The following UNC5D variants were observed in gnomAD, a reference collection of about 807,000 sequenced individuals.
The protein encoded by UNC5D is netrin receptor UNC5D.
A neutral mutation model predicts 105.4 loss-of-function variants in UNC5D; 39 were observed. That is an observed-to-expected ratio of 0.37 (90% CI 0.29 to 0.48). The LOEUF (loss-of-function observed/expected upper bound fraction) is 0.48, where lower values mean the gene tolerates loss of function less well. UNC5D is among the 20% of genes least tolerant of loss of function. The pLI is 0.98. For synonymous variants in UNC5D, 452 were observed against 450.4 expected, an observed-to-expected ratio of 1.00 and a Z score of -0.04; for missense variants, 991 against 1,202.4, an observed-to-expected ratio of 0.82 and a Z score of 2.60.
chr8:35,412,676 T>C (rs1805251477), intron 1 of UNC5D, among the ~76,000 whole-genome samples: 1 of 152,074 alleles, frequency 6.6e-6, no homozygotes, highest in South Asian at 2.1e-4. Flanking sequence ...ATGAGGCCTT[T>C]AGGAAGGAAG....
chr8:35,541,046 T>G (rs1178136252), intron 1 of UNC5D, among the ~76,000 whole-genome samples: 1 of 152,022 alleles, frequency 6.6e-6, no homozygotes, highest in Non-Finnish European at 1.5e-5. Flanking sequence ...AAAGGAGAGG[T>G]GTTAGAATTG....
intron 1 of UNC5D, among the ~76,000 whole-genome samples, chr8:35,318,061 G>C (rs1010876008): frequency 6.6e-6 from 1 of 151,982 alleles, no homozygotes; most frequent in Non-Finnish European, 1.5e-5. Flanking sequence ...GTCTCTGAAA[G>C]GGAACTTTAC....
chr8:35,582,770 A>C (rs1048931797), intron 3 of UNC5D, among the ~76,000 whole-genome samples: 1 of 152,124 alleles, frequency 6.6e-6, no homozygotes, highest in Non-Finnish European at 1.5e-5. Context: ...GTGAATTACA[A>C]TGAGGTGGTG....
At chr8:35,455,077 T>C (rs762077671) in intron 1 of UNC5D, among the ~76,000 whole-genome samples, 3 of 152,146 alleles carry the variant, frequency 2.0e-5, no homozygotes, top group Non-Finnish European at 4.4e-5. Context: ...TAGAGACTTA[T>C]AGGTTTACTC....
intron 1 of UNC5D, among the ~76,000 whole-genome samples, chr8:35,252,056 C>G (rs1352854896): frequency 7.4e-6 from 1 of 135,662 alleles, no homozygotes; most frequent in Admixed American, 7.7e-5. Context: ...TGGAGTCTCA[C>G]TGTTGCCCAG....
At chr8:35,562,734 G>A (rs1051556525) in intron 2 of UNC5D, among the ~76,000 whole-genome samples, 1 of 152,022 alleles carries the variant, frequency 6.6e-6, no homozygotes, top group African/African-American at 2.4e-5. Context: ...CAGATAGATA[G>A]TTTGCAAATA....
At chr8:35,406,448 G>T (rs921384599) in intron 1 of UNC5D, among the ~76,000 whole-genome samples, 1 of 152,094 alleles carries the variant, frequency 6.6e-6, no homozygotes, top group African/African-American at 2.4e-5. Context: ...TTTTCAGCAT[G>T]ATTAAACTTA....
chr8:35,652,982 T>C (rs955769166), intron 4 of UNC5D, among the ~76,000 whole-genome samples: 7 of 141,024 alleles, frequency 5.0e-5, no homozygotes, highest in Admixed American at 7.6e-5. Flanking sequence ...CAGGCTGCAG[T>C]GCAGTGGCAC....
chr8:35,672,248 A>G (rs2131282414), intron 4 of UNC5D, among the ~76,000 whole-genome samples: 1 of 152,346 alleles, frequency 6.6e-6, no homozygotes, highest in African/African-American at 2.4e-5. Flanking sequence ...AACAGGAACA[A>G]GAAATGAAAA....
chr8:35,305,101 A>G (rs979610666), intron 1 of UNC5D, among the ~76,000 whole-genome samples: 1 of 152,124 alleles, frequency 6.6e-6, no homozygotes, highest in Non-Finnish European at 1.5e-5. Flanking sequence ...CAACCTTATC[A>G]TTTTAAGAAA....
chr8:35,516,271 A>C (rs1360277898), intron 1 of UNC5D, among the ~76,000 whole-genome samples: 3 of 152,194 alleles, frequency 2.0e-5, no homozygotes, highest in Non-Finnish European at 4.4e-5. Flanking sequence ...GCAAATCTGG[A>C]ATAAAACAGA....
In UNC5D at chr8:35,793,157, T is replaced by TAGG; in HGVS notation, c.*2594_*2595insAGG. 1 of 456,202 alleles carries TAGG rather than the reference T, an allele frequency of 2.2e-6. No individual in the cohort carries two copies. Among genetic ancestry groups the TAGG allele is most frequent in the South Asian group, 1.6e-5 (1 of 64,476 alleles). 28.3% of individuals were successfully genotyped at this position (456,202 alleles called of 1,614,324 possible). ...TGCTGCTAGGATCCTACATAGGATT[T>TAGG]CTATAGAAATGTATGAAATTCTGTG... On this transcript the variant is annotated 3_prime_UTR_variant, in exon 17 of 17. Transcript: ENST00000404895.
At chr8:35,693,524 A>G (rs949920568) in intron 7 of UNC5D, among the ~76,000 whole-genome samples, 1 of 152,130 alleles carries the variant, frequency 6.6e-6, no homozygotes. Context: ...CAGGTCTGAA[A>G]CACTTCAGAT....
At chr8:35,415,988 G>A (rs562489968) in intron 1 of UNC5D, among the ~76,000 whole-genome samples, 1 of 152,112 alleles carries the variant, frequency 6.6e-6, no homozygotes, top group Non-Finnish European at 1.5e-5. Context: ...TGCTGTTGCT[G>A]TTAGTATTAA....
chr8:35,377,648 G>A (rs1802780560), intron 1 of UNC5D, among the ~76,000 whole-genome samples: 1 of 152,118 alleles, frequency 6.6e-6, no homozygotes, highest in African/African-American at 2.4e-5. Flanking sequence ...GTTTGTCTGT[G>A]TTTACATAGA....
chr8:35,745,444 A>G (rs913938426), intron 11 of UNC5D, among the ~76,000 whole-genome samples: 1 of 152,196 alleles, frequency 6.6e-6, no homozygotes, highest in African/African-American at 2.4e-5. Context: ...AAAGGCAAGG[A>G]TAAAAGCAAG....
intron 4 of UNC5D, among the ~76,000 whole-genome samples, chr8:35,616,806 G>A (rs1362408183): frequency 1.3e-5 from 2 of 152,216 alleles, no homozygotes; most frequent in African/African-American, 4.8e-5. Flanking sequence ...AGGCGATTTG[G>A]AGGAAAGATC....
At chr8:35,548,217 C>T (rs1470593150) in intron 1 of UNC5D, among the ~76,000 whole-genome samples, 5 of 152,214 alleles carry the variant, frequency 3.3e-5, no homozygotes, top group Non-Finnish European at 7.3e-5. Flanking sequence ...CAAGTTGACA[C>T]TCCATATTAA....
intron 1 of UNC5D, among the ~76,000 whole-genome samples, chr8:35,238,347 G>A (rs1337005559): frequency 6.6e-6 from 1 of 152,156 alleles, no homozygotes; most frequent in African/African-American, 2.4e-5. Flanking sequence ...CTTGGGACAA[G>A]GAAATGTTGT....
Sources: allele counts gnomAD v4.1 joint callset (sites outside exome capture counted in the v4.1 genomes callset), GRCh38; gene constraint gnomAD v4.1.1; transcripts MANE v1.5; gene names NCBI Gene and HGNC (gene_info 2026-07-23, HGNC 2026-07-21).